Variants in FAM149B1 observed in about 807,000 individuals in gnomAD.
The protein encoded by FAM149B1 is primary cilium assembly protein FAM149B1.
In FAM149B1, 56 loss-of-function variants were observed where a neutral mutation model predicts 75.3. That is an observed-to-expected ratio of 0.74 (90% CI 0.60 to 0.93). FAM149B1 has a LOEUF of 0.93. Ranked by LOEUF, FAM149B1 falls within the 40% of genes least tolerant of loss-of-function variation. FAM149B1 has a pLI of 0.00. For missense variants in FAM149B1, 639 were observed against 708.4 expected (o/e 0.90, Z 1.11); for synonymous variants, 259 against 256.1 (o/e 1.01, Z -0.11).
intron 5 of FAM149B1, among the ~76,000 whole-genome samples, chr10:73,205,002 A>C (rs996151977): frequency 1.1e-4 from 9 of 80,904 alleles, no homozygotes; most frequent in Admixed American, 1.9e-4. Context: ...TTTTTAGTAG[A>C]GACAGTTTCA....
chr10:73,233,633 C>T (rs565007281), intron 10 of FAM149B1, among the ~76,000 whole-genome samples: 1 of 152,146 alleles, frequency 6.6e-6, no homozygotes, highest in African/African-American at 2.4e-5. Context: ...TGTGAACCAC[C>T]GCACCCAGCA....
intron 8 of FAM149B1, 57 bp downstream of exon 8, chr10:73,228,241 T>C (rs2043601729): frequency 3.4e-6 from 5 of 1,473,148 alleles, no homozygotes; most frequent in Admixed American, 2.0e-5. Context: ...AGAGGAAATT[T>C]GCTCAGAGTT....
rs190484078 is a variant in FAM149B1, at chr10:73,191,411, A to C, written c.283-1145A>C. On this transcript the variant is annotated intron_variant, in intron 3 of 13. Coordinates refer to ENST00000242505, the MANE Select transcript of FAM149B1 (RefSeq NM_173348.2). ...GAGTGCAATAGCACAATCTCGGCTCACCGCAACCTCCGCCTCCCAGGTTCA... is the reference window on the plus strand; with the variant it reads ...GAGTGCAATAGCACAATCTCGGCTCCCCGCAACCTCCGCCTCCCAGGTTCA... Among the ~76,000 whole-genome samples the C allele has an allele frequency of 6.8e-5, 10 of 147,608 alleles. No homozygotes were observed. The South Asian group carries it at 2.1e-3, about 32-fold the overall frequency.
At chr10:73,188,155 A>G (rs1452931591) in intron 3 of FAM149B1, among the ~76,000 whole-genome samples, 1 of 152,184 alleles carries the variant, frequency 6.6e-6, no homozygotes, top group Non-Finnish European at 1.5e-5. Context: ...AACAGAATTG[A>G]GAGTCCAGAA....
At position 73,174,741 on chromosome 10, in the gene FAM149B1, G is replaced by A. The variant is rs1843871287; in HGVS notation, c.102G>A (p.Glu34=). Residue 34 remains glutamate (E), a synonymous_variant, in exon 2 of 14, where the codon GAG becomes GAA. Coordinates refer to ENST00000242505, the MANE Select transcript of FAM149B1 (RefSeq NM_173348.2). ...LNHHPPPEKL[E]EISPTSDSHE... ...ATCATCCCCCTCCAGAGAAGCTGGA[G>A]GAAATTTCCCCCACCAGTGACAGTC... The A allele has an allele frequency of 1.3e-6, 2 of 1,551,358 alleles. No homozygotes were observed. Among genetic ancestry groups the A allele is most frequent in the Admixed American group, 2.0e-5 (1 of 50,978 alleles).
intron 12 of FAM149B1, among the ~76,000 whole-genome samples, chr10:73,235,914 T>C (rs568409084): frequency 2.6e-5 from 4 of 152,152 alleles, no homozygotes; most frequent in South Asian, 4.1e-4. Flanking sequence ...TTTTAAGTAA[T>C]AGAAAAAACC....
rs148961775 is a variant in FAM149B1 at position 73,198,737 on chromosome 10, G to A, written c.542+5144G>A. Among the ~76,000 whole-genome samples, 607 of 152,208 alleles carry A rather than the reference G, an allele frequency of 4.0e-3. 6 individuals are homozygous for A. The highest frequency in any genetic ancestry group is 0.013 in the African/African-American group (551 of 41,526). On this transcript the variant is annotated intron_variant, in intron 5 of 13. Transcript: ENST00000242505. ...GGAGAATTGCTTGAACCCAGGAGGC[G>A]GAGGTTGCAGTGAGTCGAGTTCGCA... is the stretch of plus-strand genomic sequence containing the variant.
At chr10:73,223,137 T>C (rs745658280) in intron 7 of FAM149B1, among the ~76,000 whole-genome samples, 5 of 152,126 alleles carry the variant, frequency 3.3e-5, no homozygotes, top group Non-Finnish European at 7.4e-5. Flanking sequence ...AAAAACAGTA[T>C]GCTTTTATGA....
chr10:73,178,087 C>A, intron 3 of FAM149B1, 112 bp downstream of exon 3: 1 of 1,087,136 alleles, frequency 9.2e-7, no homozygotes, highest in Non-Finnish European at 1.3e-6. Flanking sequence ...TTACATTTAT[C>A]ATACTTCATA....
At chr10:73,177,068 G>A (rs759986539) in intron 2 of FAM149B1, among the ~76,000 whole-genome samples, 8 of 151,956 alleles carry the variant, frequency 5.3e-5, no homozygotes, top group Non-Finnish European at 1.2e-4. Flanking sequence ...GCCAGTCATG[G>A]TGGCACACAC....
At chr10:73,182,970 C>G (rs918565720) in intron 3 of FAM149B1, among the ~76,000 whole-genome samples, 1 of 152,322 alleles carries the variant, frequency 6.6e-6, no homozygotes, top group East Asian at 1.9e-4. Flanking sequence ...CTTTCTTGGG[C>G]TCCTATCGCA....
At chr10:73,198,342 A>G (rs1448500293) in intron 5 of FAM149B1, among the ~76,000 whole-genome samples, 5 of 152,374 alleles carry the variant, frequency 3.3e-5, no homozygotes, top group Non-Finnish European at 7.3e-5. Context: ...AACAAAAGCA[A>G]GAACAGACAA....
intron 3 of FAM149B1, among the ~76,000 whole-genome samples, chr10:73,183,117 G>T (rs182429135): frequency 6.6e-6 from 1 of 152,328 alleles, no homozygotes; most frequent in East Asian, 1.9e-4. Flanking sequence ...GAGCAGAGAC[G>T]AGAGTTCAGG....
chr10:73,230,873 G>A (rs184976188), intron 9 of FAM149B1: 381 of 172,718 alleles, frequency 2.2e-3, no homozygotes, highest in African/African-American at 8.5e-3. Flanking sequence ...ATAAGCAAAG[G>A]AGAGCAGCAA....
chr10:73,230,790 G>A (rs1333371315), intron 9 of FAM149B1: 1 of 304,658 alleles, frequency 3.3e-6, no homozygotes, highest in Non-Finnish European at 6.4e-6. Flanking sequence ...CAGAATGAGT[G>A]CTATGACAGC....
At position 73,168,160 on chromosome 10, in the gene FAM149B1, A is replaced by C; in HGVS notation, c.-180A>C. The C allele has an allele frequency of 1.6e-6, 1 of 625,792 alleles. No individual in the cohort carries two copies. The highest frequency in any genetic ancestry group is 2.7e-6 in the Non-Finnish European group (1 of 366,176). 38.8% of individuals were successfully genotyped at this position (625,792 alleles called of 1,614,324 possible). A position where few individuals can be genotyped will look rare whatever the true frequency, so the allele number is the denominator to read the frequency against. ...CAAAGCAGGGAGGTCGGAGGACTGG[A>C]GAGGTGGGGACCCTGGGGAGGTGGC... On this transcript the variant is annotated 5_prime_UTR_variant, in exon 1 of 14. Transcript: ENST00000242505.
intron 5 of FAM149B1, among the ~76,000 whole-genome samples, chr10:73,207,335 G>A (rs1290179840): frequency 1.3e-5 from 2 of 151,996 alleles, no homozygotes; most frequent in African/African-American, 4.8e-5. Flanking sequence ...AGGCCAAGAT[G>A]GGCAGATCAC....
Position 73,235,121 on chromosome 10 carries a change from C to T in FAM149B1, c.1477-72C>T, listed in dbSNP as rs140932169. The T allele has an allele frequency of 2.1e-4, 316 of 1,491,600 alleles. 2 individuals are homozygous for T. The East Asian group carries it at 6.7e-3, about 32-fold the overall frequency. 92.4% of individuals were successfully genotyped at this position (1,491,600 alleles called of 1,614,324 possible). ...CTGCACTTACCATATCTGCCATGGT[C>T]GATAGGGTTTTAACTACATACCACA... is the stretch of plus-strand genomic sequence containing the variant. On this transcript the variant is annotated intron_variant, in intron 11 of 13. Transcript: ENST00000242505.
At chr10:73,233,242 A>G in intron 10 of FAM149B1, 79 bp downstream of exon 10, 1 of 1,019,370 alleles carries the variant, frequency 9.8e-7, no homozygotes, top group South Asian at 1.4e-5. Context: ...TAAATATAAG[A>G]CTGAAATCTA....
Sources: allele counts gnomAD v4.1 joint callset (sites outside exome capture counted in the v4.1 genomes callset), GRCh38; gene constraint gnomAD v4.1.1; transcripts MANE v1.5; gene names NCBI Gene and HGNC (gene_info 2026-07-23, HGNC 2026-07-21).